The following ALPK2 variants were observed in gnomAD, a reference collection of about 807,000 sequenced individuals.
The protein encoded by ALPK2 is alpha-protein kinase 2.
ALPK2 carries 127 observed loss-of-function variants against 163.1 expected under a neutral mutation model. That is an observed-to-expected ratio of 0.78 (90% confidence interval 0.67 to 0.90). ALPK2 has a LOEUF of 0.90. Ranked by LOEUF, ALPK2 falls within the 40% of genes least tolerant of loss-of-function variation. The pLI is 0.00. For synonymous variants in ALPK2, 953 were observed against 959.1 expected (o/e 0.99, Z 0.12); for missense variants, 2,360 against 2,589.6 (o/e 0.91, Z 1.92).
At chr18:58,590,481 G>A (rs1039137751) in intron 3 of ALPK2, among the ~76,000 whole-genome samples, 3 of 152,094 alleles carry the variant, frequency 2.0e-5, no homozygotes, top group Non-Finnish European at 4.4e-5. Context: ...GGGGGAAGAG[G>A]GCTCCACTCA....
intron 5 of ALPK2, among the ~76,000 whole-genome samples, chr18:58,534,508 G>C (rs1043873044): frequency 1.3e-5 from 2 of 152,196 alleles, no homozygotes; most frequent in Admixed American, 1.3e-4. Context: ...AAACGGAAAA[G>C]CACCTTCATC....
chr18:58,497,184 A>G (rs919949577), intron 12 of ALPK2, among the ~76,000 whole-genome samples: 16 of 152,216 alleles, frequency 1.1e-4, no homozygotes, highest in Non-Finnish European at 1.6e-4. Context: ...AATGGCAACT[A>G]TCTCCTGATC....
In ALPK2 at chr18:58,529,936, G is replaced by A. The variant is rs569712374; in HGVS notation, c.5354-698C>T. ...TAATTAGCTAGGGCAGCCACTGGGC[G>A]GCAGCCTAGACATTAGAACAAGACA... On this transcript the variant is annotated intron_variant, in intron 5 of 12. Coordinates refer to ENST00000361673, the MANE Select transcript of ALPK2 (RefSeq NM_052947.4). Among the ~76,000 whole-genome samples the A allele has an allele frequency of 9.7e-4, 148 of 152,330 alleles. 1 individual carries two copies. Among genetic ancestry groups the A allele is most frequent in the Non-Finnish European group, 1.7e-3 (118 of 68,022 alleles).
intron 1 of ALPK2, among the ~76,000 whole-genome samples, chr18:58,615,594 G>A (rs1186451666): frequency 6.6e-6 from 1 of 152,156 alleles, no homozygotes; most frequent in East Asian, 1.9e-4. Context: ...GAGTTCACTT[G>A]TTTCATCAGT....
intron 4 of ALPK2, among the ~76,000 whole-genome samples, chr18:58,546,357 T>C (rs1213949524): frequency 6.6e-6 from 1 of 152,186 alleles, no homozygotes; most frequent in Non-Finnish European, 1.5e-5. Context: ...TGGGTTTCCA[T>C]GGTTCACACC....
At chr18:58,514,697 A>G (rs1238147901) in intron 10 of ALPK2, among the ~76,000 whole-genome samples, 1 of 152,030 alleles carries the variant, frequency 6.6e-6, no homozygotes, top group African/African-American at 2.4e-5. Context: ...TTTCTTTTCT[A>G]TTTAACATGG....
At chr18:58,571,174 A>G (rs1016385896) in intron 4 of ALPK2, among the ~76,000 whole-genome samples, 1 of 152,014 alleles carries the variant, frequency 6.6e-6, no homozygotes, top group Non-Finnish European at 1.5e-5. Context: ...GGCAAGCGCC[A>G]CCATGCCTGG....
At chr18:58,606,271 A>C (rs1160809888) in intron 3 of ALPK2, among the ~76,000 whole-genome samples, 1 of 152,004 alleles carries the variant, frequency 6.6e-6, no homozygotes, top group Non-Finnish European at 1.5e-5. Flanking sequence ...GTAGAGATGA[A>C]GTCTCACTGT....
intron 1 of ALPK2, among the ~76,000 whole-genome samples, chr18:58,621,517 C>T (rs980624194): frequency 6.6e-6 from 1 of 152,150 alleles, no homozygotes; most frequent in Non-Finnish European, 1.5e-5. Context: ...GTGATCCGCC[C>T]GCCTCGGCCT....
chr18:58,490,379 A>G (rs2051367394), intron 12 of ALPK2, among the ~76,000 whole-genome samples: 1 of 152,096 alleles, frequency 6.6e-6, no homozygotes, highest in African/African-American at 2.4e-5. Context: ...GCCTCCAGGC[A>G]ATTCGCCCCT....
At chr18:58,612,260 C>T (rs1475892352) in intron 1 of ALPK2, among the ~76,000 whole-genome samples, 6 of 152,196 alleles carry the variant, frequency 3.9e-5, no homozygotes, top group Non-Finnish European at 2.9e-5. Context: ...CTCATTCCTC[C>T]TCCTTTCTCT....
At chr18:58,519,139 G>C (rs1049885238) in intron 8 of ALPK2, among the ~76,000 whole-genome samples, 3 of 152,162 alleles carry the variant, frequency 2.0e-5, no homozygotes, top group Non-Finnish European at 4.4e-5. Flanking sequence ...CTCAGATAAA[G>C]TTTTAGGCAA....
intron 5 of ALPK2, among the ~76,000 whole-genome samples, chr18:58,530,171 G>A (rs776724214): frequency 4.6e-5 from 7 of 152,338 alleles, no homozygotes; most frequent in Admixed American, 1.3e-4. Flanking sequence ...ATACTACGGT[G>A]AAAATATCCA....
chr18:58,573,606 T>A (rs1298638918), intron 4 of ALPK2, among the ~76,000 whole-genome samples: 1 of 132,112 alleles, frequency 7.6e-6, no homozygotes, highest in African/African-American at 2.9e-5. Context: ...GTTGCCATTT[T>A]TGTCTTCTTT....
chr18:58,542,196 C>T (rs1366373099), intron 4 of ALPK2, among the ~76,000 whole-genome samples: 1 of 152,216 alleles, frequency 6.6e-6, no homozygotes, highest in Non-Finnish European at 1.5e-5. Flanking sequence ...TGCATGACCA[C>T]GGGTAACCTC....
At chr18:58,516,877 G>C in intron 9 of ALPK2, 31 bp downstream of exon 9, 1 of 1,602,594 alleles carries the variant, frequency 6.2e-7, no homozygotes. Context: ...TCTCACACCA[G>C]AAGTGACAGC....
rs2051940337 is a variant in ALPK2, at chr18:58,579,189, C to T, written c.1587G>A (p.Arg529=). 2 of 1,614,100 alleles carry T rather than the reference C, an allele frequency of 1.2e-6. No homozygotes were observed. Among genetic ancestry groups the T allele is most frequent in the Non-Finnish European group, 1.7e-6 (2 of 1,180,006 alleles). Residue 529 remains arginine, a synonymous_variant, in exon 4 of 13, where the codon AGG becomes AGA. Coordinates refer to ENST00000361673, the MANE Select transcript of ALPK2 (RefSeq NM_052947.4). ...TCACCCTGGCAGATTTCCTTGAACC[C>T]CTCTTGCTCCATAAGTCCTTTCCCC... ...RVGGKDLWSK[R]GSRKSARVRQ...
chr18:58,609,368 A>G (rs1029087154), intron 2 of ALPK2, among the ~76,000 whole-genome samples: 4 of 152,216 alleles, frequency 2.6e-5, no homozygotes, highest in Admixed American at 2.0e-4. Flanking sequence ...TCTGATCATA[A>G]TTCATTTCTG....
chr18:58,574,194 A>G (rs559388992), intron 4 of ALPK2, among the ~76,000 whole-genome samples: 2 of 152,162 alleles, frequency 1.3e-5, no homozygotes, highest in South Asian at 4.2e-4. Flanking sequence ...CTATAATCCC[A>G]GCACGTTGGG....
Sources: gnomAD v4.1 joint callset for allele counts (sites outside exome capture counted in the v4.1 genomes callset) on GRCh38, gnomAD v4.1.1 for gene constraint, MANE v1.5 for transcripts, NCBI Gene and HGNC (gene_info 2026-07-23, HGNC 2026-07-21) for gene names.